Variants in ARAP2 observed in about 807,000 individuals in gnomAD.
ARAP2 encodes arf-GAP with Rho-GAP domain, ANK repeat and PH domain-containing protein 2.
Under a neutral mutation model 194.5 loss-of-function variants are expected in ARAP2, and 148 were observed. The ratio of observed to expected loss-of-function variants is 0.76; its 90% CI spans 0.67 to 0.87. The LOEUF is 0.87. Among genes scored for constraint, ARAP2 ranks in the 40% least tolerant of loss-of-function variants. The pLI is 0.00. For synonymous variants in ARAP2, 695 were observed against 683.5 expected (o/e 1.02, Z -0.26); for missense variants, 2,128 against 1,989.7 (o/e 1.07, Z -1.32).
chr4:36,131,322 C>T (rs546133604), intron 20 of ARAP2, among the ~76,000 whole-genome samples: 2 of 150,286 alleles, frequency 1.3e-5, no homozygotes, highest in South Asian at 4.2e-4. Context: ...ATATATAATA[C>T]AAACACAATT....
intron 1 of ARAP2, chr4:36,243,636 T>A (rs189068612): frequency 6.6e-6 from 1 of 152,280 alleles, no homozygotes; most frequent in African/African-American, 2.4e-5. Flanking sequence ...ACACCACTTC[T>A]CCCAAGAGAA....
At chr4:36,231,271 G>T (rs1247304384) in intron 1 of ARAP2, among the ~76,000 whole-genome samples, 1 of 152,072 alleles carries the variant, frequency 6.6e-6, no homozygotes, top group Non-Finnish European at 1.5e-5. Flanking sequence ...GGGAGGCGGA[G>T]GTTGCAGTAA....
intron 4 of ARAP2, 64 bp downstream of exon 4, chr4:36,213,179 G>C: frequency 8.5e-7 from 1 of 1,177,992 alleles, no homozygotes; most frequent in Non-Finnish European, 1.3e-6. Flanking sequence ...AAAATGAAGA[G>C]GTACAAATAG....
chr4:36,093,433 C>A (rs572279371), intron 27 of ARAP2, among the ~76,000 whole-genome samples: 1 of 152,096 alleles, frequency 6.6e-6, no homozygotes, highest in Non-Finnish European at 1.5e-5. Context: ...AAAACTAAAT[C>A]TAAACATGCA....
At position 36,160,581 on chromosome 4, in the gene ARAP2, C is replaced by T; in HGVS notation, c.2320G>A (p.Asp774Asn). 14 of 1,531,368 alleles carry T rather than the reference C, an allele frequency of 9.1e-6. No individual in the cohort carries two copies. Among genetic ancestry groups the T allele is most frequent in the Non-Finnish European group, 1.2e-5 (14 of 1,149,620 alleles). The allele number at this position is 1,531,368 out of a possible 1,614,324, so 94.9% of individuals were successfully genotyped here. A position where few individuals can be genotyped will look rare whatever the true frequency, so the allele number is the denominator to read the frequency against. ...GGTGAGTCCATATGTAATTCTTCAT[C>T]CTTTTGAAGATTACCAGCCCAAAAG... Reference protein sequence around the residue: ...NDFWAGNLQKDEELHMDSPVE... With the variant: ...NDFWAGNLQKNEELHMDSPVE... The change falls in exon 13 of 33, where the codon GAT (aspartate) becomes AAT (asparagine). Residue 774 changes from aspartate (D) to asparagine (N), a missense_variant. Transcript: ENST00000303965.
intron 1 of ARAP2, among the ~76,000 whole-genome samples, chr4:36,060,030 G>A (rs1237083153): frequency 6.6e-6 from 1 of 152,102 alleles, no homozygotes; most frequent in African/African-American, 2.4e-5. Context: ...AATAGTAGAG[G>A]GGAAGATGAG....
In ARAP2 at chr4:36,128,764, A is replaced by G. The variant is rs1560490888; in HGVS notation, c.3428-19T>C. 7.5e-7 allele frequency: 1 copy of G among 1,338,842 alleles called. No individual in the cohort carries two copies. The highest frequency in any genetic ancestry group is 2.0e-5 in the Admixed American group (1 of 50,804). 82.9% of individuals were successfully genotyped at this position (1,338,842 alleles called of 1,614,324 possible). A position where few individuals can be genotyped will look rare whatever the true frequency, so the allele number is the denominator to read the frequency against. On this transcript the variant is annotated intron_variant, in intron 20 of 32. Transcript: ENST00000303965. ...CCTAAACCTTTGTTTAAAAAAAAAAAGTTATACTTTAAAAGTCTAAATTCA... is the reference window on the plus strand; with the variant it reads ...CCTAAACCTTTGTTTAAAAAAAAAAGGTTATACTTTAAAAGTCTAAATTCA...
At chr4:36,076,356 A>G (rs924615169) in intron 31 of ARAP2, among the ~76,000 whole-genome samples, 2 of 152,072 alleles carry the variant, frequency 1.3e-5, no homozygotes, top group Non-Finnish European at 2.9e-5. Context: ...GATTGTCTTC[A>G]TATAATGTAT....
chr4:36,082,309 CA>C (rs1331216151), intron 29 of ARAP2, 23 bp from the exon 30 acceptor site: 1 of 1,574,264 alleles, frequency 6.4e-7, no homozygotes, highest in African/African-American at 1.4e-5. Context: ...GAAAAAAAAA[CA>C]CACATAAATT....
At chr4:36,243,383 CAAAAAAAAAA>C (rs71201008) in intron 1 of ARAP2, among the ~76,000 whole-genome samples, 14 of 85,112 alleles carry the variant, frequency 1.6e-4, no homozygotes, top group East Asian at 4.9e-4. Flanking sequence ...GACAAGCTTG[CAAAAAAAAAA>C]AAAAAAAAAA....
intron 5 of ARAP2, among the ~76,000 whole-genome samples, chr4:36,036,613 T>C (rs1719974657): frequency 6.6e-6 from 1 of 152,130 alleles, no homozygotes; most frequent in Non-Finnish European, 1.5e-5. Flanking sequence ...ACAGTAAGTA[T>C]TTCATAGCTT....
intron 31 of ARAP2, among the ~76,000 whole-genome samples, chr4:36,074,608 T>C (rs1047477330): frequency 2.0e-5 from 3 of 152,052 alleles, no homozygotes; most frequent in African/African-American, 7.2e-5. Flanking sequence ...AGTATATTGA[T>C]TTTCAAACAA....
chr4:36,042,416 C>T (rs1012969574), intron 5 of ARAP2, among the ~76,000 whole-genome samples: 4 of 152,124 alleles, frequency 2.6e-5, no homozygotes. Flanking sequence ...TAATTTGTTT[C>T]TCAACAGTTC....
intron 9 of ARAP2, among the ~76,000 whole-genome samples, chr4:36,170,101 C>T (rs756471404): frequency 5.3e-5 from 8 of 152,120 alleles, no homozygotes; most frequent in Non-Finnish European, 1.0e-4. Context: ...GGTGATCTCT[C>T]CCTCCCACCC....
chr4:36,028,851 TC>T (rs1316609876), intron 5 of ARAP2, among the ~76,000 whole-genome samples: 3 of 152,058 alleles, frequency 2.0e-5, no homozygotes, highest in Admixed American at 6.5e-5. Context: ...TTTTATCTTT[TC>T]CCCTACATTT....
intron 8 of ARAP2, among the ~76,000 whole-genome samples, chr4:36,185,100 G>A (rs1355084613): frequency 1.3e-5 from 2 of 152,170 alleles, no homozygotes; most frequent in Non-Finnish European, 2.9e-5. Flanking sequence ...ACTACTCAGT[G>A]ATACCACTGA....
intron 15 of ARAP2, among the ~76,000 whole-genome samples, chr4:36,155,939 A>C (rs746278035): frequency 6.6e-6 from 1 of 152,076 alleles, no homozygotes; most frequent in Non-Finnish European, 1.5e-5. Context: ...AGCTGTGTTC[A>C]AGCAATCCTC....
intron 27 of ARAP2, among the ~76,000 whole-genome samples, chr4:36,095,449 G>A (rs923464130): frequency 4.6e-5 from 7 of 152,104 alleles, no homozygotes; most frequent in African/African-American, 2.4e-5. Context: ...ATAAAAATTA[G>A]TAAGTGATAG....
intron 6 of ARAP2, 96 bp downstream of exon 6, chr4:36,210,294 G>C: frequency 9.0e-7 from 1 of 1,112,306 alleles, no homozygotes; most frequent in Non-Finnish European, 1.3e-6. Flanking sequence ...GTGTGTGGCG[G>C]TGGAGTGGGG....
Sources: gnomAD v4.1 joint callset for allele counts (sites outside exome capture counted in the v4.1 genomes callset) on GRCh38, gnomAD v4.1.1 for gene constraint, MANE v1.5 for transcripts, NCBI Gene and HGNC (gene_info 2026-07-23, HGNC 2026-07-21) for gene names.